The following GALNTL6 variants were observed in gnomAD, a reference collection of about 807,000 sequenced individuals.
The protein encoded by GALNTL6 is polypeptide N-acetylgalactosaminyltransferase like 6.
In GALNTL6, 46 loss-of-function variants were observed where a neutral mutation model predicts 73.7. That is an observed-to-expected ratio of 0.62 (90% confidence interval 0.49 to 0.80). The LOEUF (loss-of-function observed/expected upper bound fraction) is 0.80, where lower values mean the gene tolerates loss of function less well. Among genes scored for constraint, GALNTL6 ranks in the 30% least tolerant of loss-of-function variants. The probability of loss-of-function intolerance (pLI) is 0.00; values close to 1 mark genes in which losing one functional copy is unlikely to be tolerated. For missense variants in GALNTL6, 604 were observed against 755.0 expected, an observed-to-expected ratio of 0.80 and a Z score of 2.34; for synonymous variants, 259 against 263.7, an observed-to-expected ratio of 0.98 and a Z score of 0.17.
At chr4:172,749,700 A>G (rs973275091) in intron 5 of GALNTL6, among the ~76,000 whole-genome samples, 3 of 151,810 alleles carry the variant, frequency 2.0e-5, no homozygotes, top group Non-Finnish European at 4.4e-5. Context: ...CTAGGGTGAT[A>G]TCTAATTCCC....
intron 5 of GALNTL6, among the ~76,000 whole-genome samples, chr4:172,492,526 A>T (rs1328989069): frequency 6.6e-6 from 1 of 152,202 alleles, no homozygotes; most frequent in Non-Finnish European, 1.5e-5. Flanking sequence ...TTCTTAATAC[A>T]CCTGAAAGAT....
At chr4:172,787,885 G>A (rs1431605624) in intron 5 of GALNTL6, among the ~76,000 whole-genome samples, 2 of 152,174 alleles carry the variant, frequency 1.3e-5, no homozygotes, top group Non-Finnish European at 2.9e-5. Context: ...AGTAAAGGTG[G>A]AAGCCAGATC....
rs5864154 is a variant in GALNTL6, at chr4:172,694,124, C to CT, written c.554-115224dup. Among the ~76,000 whole-genome samples the CT allele has an allele frequency of 3.3e-3, 491 of 146,626 alleles. 3 individuals carry two copies. The highest frequency in any genetic ancestry group is 5.0e-3 in the East Asian group (25 of 5,010). ...GTATCAGTAAGCAGCTGCACTATTTCTTTTTTTTTTTTTCTTTTATTCTTT... is the reference window on the plus strand; with the variant it reads ...GTATCAGTAAGCAGCTGCACTATTTCTTTTTTTTTTTTTTCTTTTATTCTTT... On this transcript the variant is annotated intron_variant, in intron 5 of 12. Transcript: ENST00000506823.
intron 5 of GALNTL6, among the ~76,000 whole-genome samples, chr4:172,420,616 A>C (rs1427797809): frequency 1.3e-5 from 2 of 152,174 alleles, no homozygotes; most frequent in African/African-American, 2.4e-5. Flanking sequence ...CTCTACATCC[A>C]AAACGGCTCA....
intron 4 of GALNTL6, among the ~76,000 whole-genome samples, chr4:172,343,139 A>C (rs1741628762): frequency 6.6e-6 from 1 of 152,220 alleles, no homozygotes; most frequent in South Asian, 2.1e-4. Flanking sequence ...AGTAAAACAA[A>C]AAACAAACAA....
At chr4:172,889,570 T>C (rs1357884755) in intron 8 of GALNTL6, among the ~76,000 whole-genome samples, 1 of 152,232 alleles carries the variant, frequency 6.6e-6, no homozygotes, top group African/African-American at 2.4e-5. Context: ...TTGATTTGCA[T>C]ATGTTGAACC....
chr4:172,540,167 C>T (rs1459576372), intron 5 of GALNTL6, among the ~76,000 whole-genome samples: 1 of 151,426 alleles, frequency 6.6e-6, no homozygotes, highest in East Asian at 1.9e-4. Context: ...TCCCCTGCCT[C>T]AGCCTCCCGA....
At chr4:172,957,401 G>A (rs552532121) in intron 10 of GALNTL6, among the ~76,000 whole-genome samples, 3 of 152,302 alleles carry the variant, frequency 2.0e-5, no homozygotes, top group South Asian at 4.1e-4. Context: ...TGTCTTGTGT[G>A]GGAAGAGACT....
intron 3 of GALNTL6, among the ~76,000 whole-genome samples, chr4:172,288,910 C>T (rs1433500928): frequency 1.3e-5 from 2 of 152,038 alleles, no homozygotes; most frequent in Admixed American, 6.6e-5. Context: ...ATTTCAAATA[C>T]TATTTGAATT....
At chr4:172,399,730 TAAAAC>T (rs1743972896) in intron 5 of GALNTL6, among the ~76,000 whole-genome samples, 1 of 152,090 alleles carries the variant, frequency 6.6e-6, no homozygotes, top group Non-Finnish European at 1.5e-5. Context: ...TGCAGAAAAA[TAAAAC>T]TTTTTATGGA....
chr4:172,833,468 A>C (rs1306513910), intron 7 of GALNTL6, among the ~76,000 whole-genome samples: 1 of 152,098 alleles, frequency 6.6e-6, no homozygotes, highest in African/African-American at 2.4e-5. Context: ...GAATAGGTGA[A>C]ATCTGCCTAC....
intron 5 of GALNTL6, among the ~76,000 whole-genome samples, chr4:172,745,598 T>C (rs1220860108): frequency 6.6e-6 from 1 of 151,904 alleles, no homozygotes; most frequent in Non-Finnish European, 1.5e-5. Flanking sequence ...CTTGCCTGAG[T>C]AAGAAACTAT....
chr4:171,893,856 T>C (rs1224805903), intron 2 of GALNTL6, among the ~76,000 whole-genome samples: 2 of 152,102 alleles, frequency 1.3e-5, no homozygotes, highest in Non-Finnish European at 2.9e-5. Context: ...TTCAGGGCCA[T>C]AGAGTGGGAT....
At chr4:171,837,721 T>A (rs1414625489) in intron 2 of GALNTL6, among the ~76,000 whole-genome samples, 1 of 147,908 alleles carries the variant, frequency 6.8e-6, no homozygotes, top group Non-Finnish European at 1.5e-5. Context: ...ATATAATATA[T>A]AAAACCACTT....
At chr4:172,963,682 C>G (rs953891919) in intron 10 of GALNTL6, among the ~76,000 whole-genome samples, 5 of 152,212 alleles carry the variant, frequency 3.3e-5, no homozygotes, top group Non-Finnish European at 7.3e-5. Context: ...ACTAGACAGT[C>G]ACTCCCTCCA....
At position 173,023,427 on chromosome 4, in the gene GALNTL6, C is replaced by T. The variant is rs147220725; in HGVS notation, c.1638+1802C>T. 6.5e-3 allele frequency among the ~76,000 whole-genome samples: 987 copies of T among 152,172 alleles called. 14 individuals are homozygous for T. Among genetic ancestry groups the T allele is most frequent in the African/African-American group, 0.023 (938 of 41,508 alleles). ...CATCCCAACACTTTGGGAGGAGAGG[C>T]GGGCAGATCACCTGAGGTCAGGAGT... On this transcript the variant is annotated intron_variant, in intron 12 of 12. Coordinates refer to ENST00000506823, the MANE Select transcript of GALNTL6 (RefSeq NM_001034845.3).
At chr4:172,565,191 C>T (rs540011625) in intron 5 of GALNTL6, among the ~76,000 whole-genome samples, 1 of 152,256 alleles carries the variant, frequency 6.6e-6, no homozygotes, top group South Asian at 2.1e-4. Flanking sequence ...CCCAAAAGGC[C>T]CCACCTCTTA....
chr4:172,252,946 C>G (rs1441311437), intron 3 of GALNTL6, among the ~76,000 whole-genome samples: 1 of 151,758 alleles, frequency 6.6e-6, no homozygotes. Flanking sequence ...AAGGAAAACA[C>G]AACATTTCCT....
intron 2 of GALNTL6, among the ~76,000 whole-genome samples, chr4:171,853,014 T>TTTC (rs1735565732): frequency 7.5e-6 from 1 of 132,858 alleles, no homozygotes; most frequent in Non-Finnish European, 1.6e-5. Context: ...CCCGGCTAAT[T>TTTC]TTTTTTTTTT....
Sources: gnomAD v4.1 joint callset for allele counts (sites outside exome capture counted in the v4.1 genomes callset) on GRCh38, gnomAD v4.1.1 for gene constraint, MANE v1.5 for transcripts, NCBI Gene and HGNC (gene_info 2026-07-23, HGNC 2026-07-21) for gene names.